The following MEGF11 variants were observed in gnomAD, a reference collection of about 807,000 sequenced individuals.
MEGF11 encodes the protein multiple EGF like domains 11.
MEGF11 carries 126 observed loss-of-function variants against 146.6 expected under a neutral mutation model. That is an observed-to-expected ratio of 0.86 (90% CI 0.74 to 1.00). The LOEUF is 1.00. Ranked by LOEUF, MEGF11 falls within the 50% of genes least tolerant of loss-of-function variation. The pLI is 0.00. For synonymous variants in MEGF11, 532 were observed against 583.4 expected (o/e 0.91, Z 1.27); for missense variants, 1,509 against 1,521.2 (o/e 0.99, Z 0.13).
intron 4 of MEGF11, among the ~76,000 whole-genome samples, chr15:66,103,196 C>G (rs559434099): frequency 6.6e-6 from 1 of 152,242 alleles, no homozygotes; most frequent in Admixed American, 6.5e-5. Flanking sequence ...CATATCCCAT[C>G]AGCTAAAATC....
At chr15:65,927,505 A>G (rs978834758) in intron 13 of MEGF11, among the ~76,000 whole-genome samples, 2 of 152,236 alleles carry the variant, frequency 1.3e-5, no homozygotes, top group Non-Finnish European at 2.9e-5. Context: ...TGATTTAAGT[A>G]CCACAATAGG....
At chr15:66,242,791 C>T (rs758254133) in intron 1 of MEGF11, among the ~76,000 whole-genome samples, 8 of 152,176 alleles carry the variant, frequency 5.3e-5, no homozygotes, top group Non-Finnish European at 7.3e-5. Flanking sequence ...TTCAGCCCTT[C>T]TCTCTCCTGC....
At chr15:65,909,193 G>A in intron 22 of MEGF11, 58 bp from the exon 23 acceptor site, 4 of 1,222,038 alleles carry the variant, frequency 3.3e-6, no homozygotes, top group South Asian at 1.3e-5. Context: ...TATAGCAGGG[G>A]AAGGGGGTAG....
intron 4 of MEGF11, among the ~76,000 whole-genome samples, chr15:66,108,390 G>C (rs2087206636): frequency 6.6e-6 from 1 of 152,208 alleles, no homozygotes; most frequent in Non-Finnish European, 1.5e-5. Context: ...AGACTCTACA[G>C]TGATCTGTGT....
intron 1 of MEGF11, among the ~76,000 whole-genome samples, chr15:66,204,163 A>C (rs1044644686): frequency 3.9e-5 from 6 of 152,170 alleles, no homozygotes; most frequent in Non-Finnish European, 8.8e-5. Flanking sequence ...GCACTTTGGG[A>C]GGCTGAGACA....
intron 15 of MEGF11, chr15:65,922,003 A>C (rs375894352): frequency 6.1e-6 from 2 of 325,386 alleles, no homozygotes; most frequent in Non-Finnish European, 1.2e-5. Context: ...GGCACTCGGC[A>C]CAGACCACAT....
intron 5 of MEGF11, among the ~76,000 whole-genome samples, chr15:66,033,370 C>T (rs998185699): frequency 6.6e-6 from 1 of 152,236 alleles, no homozygotes; most frequent in African/African-American, 2.4e-5. Context: ...CCACAGGCTC[C>T]ATGCCCAGAG....
chr15:66,068,076 T>C (rs893308220), intron 5 of MEGF11, among the ~76,000 whole-genome samples: 9 of 152,184 alleles, frequency 5.9e-5, no homozygotes, highest in African/African-American at 2.2e-4. Context: ...GAGGATCAAG[T>C]AAGCTAGTTC....
chr15:65,938,876 T>C (rs903516269), intron 10 of MEGF11, among the ~76,000 whole-genome samples: 3 of 152,214 alleles, frequency 2.0e-5, no homozygotes, highest in African/African-American at 4.8e-5. Flanking sequence ...GTTTCAAATA[T>C]TGTTTATTGA....
chr15:66,014,983 G>A (rs1254451126), intron 5 of MEGF11, among the ~76,000 whole-genome samples: 1 of 151,566 alleles, frequency 6.6e-6, no homozygotes, highest in Non-Finnish European at 1.5e-5. Flanking sequence ...AAAAAGTCCT[G>A]ATTTGTAGCA....
intron 4 of MEGF11, among the ~76,000 whole-genome samples, chr15:66,113,071 C>T (rs986385944): frequency 6.6e-6 from 1 of 152,164 alleles, no homozygotes; most frequent in African/African-American, 2.4e-5. Context: ...GTTGACGTGT[C>T]GAATTTACTG....
intron 5 of MEGF11, among the ~76,000 whole-genome samples, chr15:66,003,659 G>A (rs1037139676): frequency 1.3e-5 from 2 of 152,018 alleles, no homozygotes; most frequent in South Asian, 2.1e-4. Flanking sequence ...CTTTCCAAAT[G>A]ACTAATCTGG....
At chr15:66,107,449 G>GCTC (rs1388930726) in intron 4 of MEGF11, among the ~76,000 whole-genome samples, 2 of 152,202 alleles carry the variant, frequency 1.3e-5, no homozygotes, top group African/African-American at 4.8e-5. Flanking sequence ...TGCATGAGGA[G>GCTC]CTCCGTCCCT....
At chr15:65,996,136 C>T (rs1490529038) in intron 5 of MEGF11, among the ~76,000 whole-genome samples, 2 of 152,184 alleles carry the variant, frequency 1.3e-5, no homozygotes, top group Non-Finnish European at 2.9e-5. Flanking sequence ...GACACATCCC[C>T]TCTTTGGCGT....
intron 5 of MEGF11, among the ~76,000 whole-genome samples, chr15:66,010,474 T>C (rs546641907): frequency 6.6e-6 from 1 of 152,324 alleles, no homozygotes; most frequent in South Asian, 2.1e-4. Context: ...ATTACAGGCA[T>C]GACTCACCGC....
chr15:65,944,699 G>A (rs1336318569), intron 10 of MEGF11, among the ~76,000 whole-genome samples: 1 of 152,156 alleles, frequency 6.6e-6, no homozygotes, highest in African/African-American at 2.4e-5. Flanking sequence ...CTAGACTCTG[G>A]CAAATCCAAT....
chr15:66,194,074 G>A (rs964603736), intron 1 of MEGF11, among the ~76,000 whole-genome samples: 5 of 152,190 alleles, frequency 3.3e-5, no homozygotes, highest in Admixed American at 6.5e-5. Flanking sequence ...AGTACAATTC[G>A]CAATTGCAAA....
Position 65,982,615 on chromosome 15 carries a change from G to C in MEGF11, c.395-127C>G. ...TGCTCCCCGGACAGGTGGCAGCAAG[G>C]GGTGCCTGGAAGCTTTGGTGCCTCA... On this transcript the variant is annotated intron_variant, in intron 5 of 25. Transcript: ENST00000395614. The surrounding 1 kb of genome is among the most constrained non-coding windows in gnomAD (Gnocchi z 5.6). 2 of 1,178,982 alleles carry C rather than the reference G, an allele frequency of 1.7e-6. No homozygotes were observed. Among genetic ancestry groups the C allele is most frequent in the Non-Finnish European group, 2.3e-6 (2 of 888,272 alleles). The allele number at this position is 1,178,982 out of a possible 1,614,324, so 73.0% of individuals were successfully genotyped here.
rs886205200 is a variant in MEGF11 at position 66,069,902 on chromosome 15, A to T, written c.394+24500T>A. 2.0e-5 allele frequency among the ~76,000 whole-genome samples: 3 copies of T among 152,208 alleles called. No homozygotes were observed. The East Asian group carries it at 5.8e-4, about 29-fold the overall frequency. The stretch of plus-strand genomic sequence containing the variant: ...GCAGTCACAGGCAATCCAGAAATGA[A>T]TAGGGATGGCTGTGTTCCAATAAAA... On this transcript the variant is annotated intron_variant, in intron 5 of 25. Coordinates refer to ENST00000395614, the MANE Select transcript of MEGF11 (RefSeq NM_001385028.1).
Sources: allele counts gnomAD v4.1 joint callset (sites outside exome capture counted in the v4.1 genomes callset), GRCh38; gene constraint gnomAD v4.1.1; non-coding constraint Gnocchi (gnomAD v3.1); transcripts MANE v1.5; gene names NCBI Gene and HGNC (gene_info 2026-07-23, HGNC 2026-07-21).